The following TBC1D10A variants were observed in gnomAD, a reference collection of about 807,000 sequenced individuals.
TBC1D10A encodes the protein EBP50-PDX interactor of 64 kDa.
In TBC1D10A, 24 loss-of-function variants were observed where a neutral mutation model predicts 52.9. The ratio of observed to expected loss-of-function variants is 0.45; its 90% CI spans 0.33 to 0.64. The LOEUF (loss-of-function observed/expected upper bound fraction) is 0.64. TBC1D10A is among the 30% of genes least tolerant of loss of function. The pLI is 0.02. For synonymous variants in TBC1D10A, 278 were observed against 282.9 expected (o/e 0.98, Z 0.17); for missense variants, 602 against 687.9 (o/e 0.88, Z 1.40).
At chr22:30,323,228 T>C (rs1384006928) in intron 1 of TBC1D10A, among the ~76,000 whole-genome samples, 1 of 152,170 alleles carries the variant, frequency 6.6e-6, no homozygotes, top group Non-Finnish European at 1.5e-5. Flanking sequence ...TGACTTGAAA[T>C]GTCTCCCCGC....
intron 2 of TBC1D10A, 120 bp downstream of exon 2, chr22:30,304,411 C>T: frequency 2.6e-6 from 4 of 1,519,118 alleles, no homozygotes; most frequent in South Asian, 2.4e-5. Context: ...TTGGAGGACA[C>T]CTAAGGCATC....
intron 1 of TBC1D10A, 21 bp from the exon 2 acceptor site, chr22:30,304,651 C>G (rs1261913336): frequency 6.2e-7 from 1 of 1,611,952 alleles, no homozygotes; most frequent in African/African-American, 1.3e-5. Flanking sequence ...GAGGGCAGGG[C>G]CTGTGAGAGG....
At position 30,313,550 on chromosome 22, in the gene TBC1D10A, A is replaced by ATTT. The variant is rs35640957; in HGVS notation, c.210-8923_210-8921dup. On this transcript the variant is annotated intron_variant, in intron 1 of 8. Transcript: ENST00000215790. ...AGGTGTGCGCCACCACGGCCAGCTAATTTTTTTTTTTTTTTTTTTTTTTTT... is the reference window on the plus strand; with the variant it reads ...AGGTGTGCGCCACCACGGCCAGCTAATTTTTTTTTTTTTTTTTTTTTTTTTTTT... 9.7e-4 allele frequency among the ~76,000 whole-genome samples: 41 copies of ATTT among 42,208 alleles called. 2 individuals carry two copies. Among genetic ancestry groups the ATTT allele is most frequent in the South Asian group, 3.1e-3 (2 of 642 alleles). The allele number at this position is 42,208 out of a possible 152,430, so 27.7% of individuals were successfully genotyped here.
chr22:30,322,655 C>T (rs1930681453), intron 1 of TBC1D10A, among the ~76,000 whole-genome samples: 1 of 113,628 alleles, frequency 8.8e-6, no homozygotes, highest in Non-Finnish European at 1.6e-5. Flanking sequence ...AGTGTAGTGG[C>T]GTGATTTCAG....
intron 1 of TBC1D10A, among the ~76,000 whole-genome samples, chr22:30,325,384 T>C (rs1930745938): frequency 1.3e-5 from 2 of 152,172 alleles, no homozygotes; most frequent in Non-Finnish European, 2.9e-5. Flanking sequence ...CCATAAGTCA[T>C]GAGAGAGTCT....
Position 30,326,565 on chromosome 22 carries a change from T to G in TBC1D10A, c.209+108A>C. 2.8e-6 allele frequency: 3 copies of G among 1,085,514 alleles called. No individual in the cohort carries two copies. The South Asian group carries it at 4.9e-5, about 18-fold the overall frequency. 67.2% of individuals were successfully genotyped at this position (1,085,514 alleles called of 1,614,324 possible). On this transcript the variant is annotated intron_variant, in intron 1 of 8. Coordinates refer to ENST00000215790, the MANE Select transcript of TBC1D10A (RefSeq NM_031937.3). The stretch of plus-strand genomic sequence containing the variant: ...CAGGGGAGGGAACGGGGATTAGTGG[T>G]CCCTGCCTGGGAGGGGGACGTGTCG...
At chr22:30,307,723 CT>C (rs1451027027) in intron 1 of TBC1D10A, 1 of 152,246 alleles carries the variant, frequency 6.6e-6, no homozygotes, top group African/African-American at 2.4e-5. Context: ...TTACAATTTT[CT>C]TCTCAATGCT....
At position 30,293,810 on chromosome 22, in the gene TBC1D10A, A is replaced by T; in HGVS notation, c.896-5T>A. 1 of 1,608,260 alleles carries T rather than the reference A, an allele frequency of 6.2e-7. No individual in the cohort carries two copies. Among genetic ancestry groups the T allele is most frequent in the Non-Finnish European group, 8.5e-7 (1 of 1,175,662 alleles). ...CCCGGAAGATGATCTTGACCCCTGC[A>T]TGGGGGATGGGCAGTAAGTACAAGG... On this transcript the variant is annotated splice_region_variant and splice_polypyrimidine_tract_variant and intron_variant, in intron 7 of 8. Transcript: ENST00000215790.
intron 1 of TBC1D10A, among the ~76,000 whole-genome samples, chr22:30,325,691 G>A (rs1930753631): frequency 6.6e-6 from 1 of 152,118 alleles, no homozygotes; most frequent in African/African-American, 2.4e-5. Context: ...TGGAGGCAAG[G>A]TGCTGTTCCA....
Position 30,295,039 on chromosome 22 carries a change from G to C in TBC1D10A, c.541C>G (p.Arg181Gly), listed in dbSNP as rs370735768. The change falls in exon 5 of 9, where the codon CGT (arginine) becomes GGT (glycine). Residue 181 changes from arginine to glycine, a missense_variant. Around this residue, in one of 3 missense-constraint regions of TBC1D10A, gnomAD observed 136 missense variants for 208.4 expected, o/e 0.65. Transcript: ENST00000215790. ...RGGHGQQDLF[R>G]VLKAYTLYRP... ...TACAGCGTGTAGGCCTTCAGCACACGGAATAGGTCCTGCTGGCTGTGGAGA... is the reference window on the plus strand; with the variant it reads ...TACAGCGTGTAGGCCTTCAGCACACCGAATAGGTCCTGCTGGCTGTGGAGA... 2.5e-6 allele frequency: 4 copies of C among 1,613,962 alleles called. No individual in the cohort carries two copies. In the South Asian group the frequency reaches 4.4e-5, roughly 18 times the overall value.
chr22:30,315,295 C>T (rs1001489933), intron 1 of TBC1D10A, among the ~76,000 whole-genome samples: 1 of 152,310 alleles, frequency 6.6e-6, no homozygotes, highest in African/African-American at 2.4e-5. Context: ...AATTTACACT[C>T]GAATTGTGAG....
At chr22:30,314,104 A>C (rs1344829186) in intron 1 of TBC1D10A, among the ~76,000 whole-genome samples, 1 of 152,186 alleles carries the variant, frequency 6.6e-6, no homozygotes, top group Admixed American at 6.5e-5. Context: ...GTGAATAAGG[A>C]AACTCAGGTT....
At chr22:30,326,543 G>C in intron 1 of TBC1D10A, 130 bp downstream of exon 1, 1 of 875,654 alleles carries the variant, frequency 1.1e-6, no homozygotes, top group Non-Finnish European at 1.6e-6. Flanking sequence ...GGTGGGGCAG[G>C]GGAGGGAACG....
intron 1 of TBC1D10A, among the ~76,000 whole-genome samples, chr22:30,308,228 T>C (rs1276132774): frequency 6.7e-6 from 1 of 148,850 alleles, no homozygotes; most frequent in Non-Finnish European, 1.5e-5. Flanking sequence ...CTCTTGACCC[T>C]TGTACTACAC....
chr22:30,301,899 T>C (rs1983384854), intron 2 of TBC1D10A, among the ~76,000 whole-genome samples: 1 of 152,188 alleles, frequency 6.6e-6, no homozygotes, highest in Admixed American at 6.5e-5. Context: ...AAGAGTTTCC[T>C]GCGGCTATGG....
In TBC1D10A at chr22:30,292,563, TCTC is replaced by T. The variant is rs748240281; in HGVS notation, c.1336_1338del (p.Glu446del). The T allele has an allele frequency of 5.3e-5, 86 of 1,613,552 alleles. No individual in the cohort carries two copies. In the Admixed American group the frequency reaches 7.0e-4, roughly 13 times the overall value. ...ATGGCTTGATTTGGGGCTGGGGGCT[TCTC>T]CAGCTGCCCTCTCCCCTTCATCTGT... On this transcript the variant is annotated inframe_deletion, in exon 9 of 9. Coordinates refer to ENST00000215790, the MANE Select transcript of TBC1D10A (RefSeq NM_031937.3).
chr22:30,320,414 T>C (rs1246921690), intron 1 of TBC1D10A, among the ~76,000 whole-genome samples: 2 of 152,072 alleles, frequency 1.3e-5, no homozygotes, highest in African/African-American at 4.8e-5. Flanking sequence ...TCAGGGACCT[T>C]AGGGACTTAG....
At chr22:30,314,849 C>A (rs1467924563) in intron 1 of TBC1D10A, among the ~76,000 whole-genome samples, 1 of 150,658 alleles carries the variant, frequency 6.6e-6, no homozygotes, top group Admixed American at 6.6e-5. Flanking sequence ...ACACAAAAAA[C>A]CCACAAAAAA....
chr22:30,326,636 G>A (rs1930781854), intron 1 of TBC1D10A, 37 bp downstream of exon 1: 1 of 1,553,678 alleles, frequency 6.4e-7, no homozygotes, highest in African/African-American at 1.4e-5. Context: ...CCCTCGCGTG[G>A]GTGGCGCGCT....
Sources: gnomAD v4.1 joint callset for allele counts (sites outside exome capture counted in the v4.1 genomes callset) on GRCh38, gnomAD v4.1.1 for gene constraint, gnomAD v4.1.1 regional missense constraint, MANE v1.5 for transcripts, NCBI Gene and HGNC (gene_info 2026-07-23, HGNC 2026-07-21) for gene names.